RBM47: variants seen among roughly 807,000 people sequenced by gnomAD.
RBM47 encodes the protein RNA-binding protein 47.
Under a neutral mutation model 47.1 loss-of-function variants are expected in RBM47, and 21 were observed. The ratio of observed to expected loss-of-function variants is 0.45; its 90% CI spans 0.32 to 0.64. The LOEUF is 0.64. Ranked by LOEUF, RBM47 falls within the 30% of genes least tolerant of loss-of-function variation. The pLI, the probability that RBM47 is intolerant of heterozygous loss-of-function variation, is 0.05. For synonymous variants in RBM47, 375 were observed against 361.7 expected (o/e 1.04, Z -0.42); for missense variants, 708 against 870.9 (o/e 0.81, Z 2.35).
At chr4:40,600,427 G>A (rs1385677468) in intron 1 of RBM47, among the ~76,000 whole-genome samples, 1 of 151,276 alleles carries the variant, frequency 6.6e-6, no homozygotes, top group South Asian at 2.1e-4. Context: ...GAGGTCAGGA[G>A]ATTGAGACCA....
At chr4:40,588,170 A>G (rs1282587169) in intron 1 of RBM47, among the ~76,000 whole-genome samples, 2 of 152,202 alleles carry the variant, frequency 1.3e-5, no homozygotes, top group Non-Finnish European at 2.9e-5. Flanking sequence ...CAGATAAGCA[A>G]CCAATAATTT....
chr4:40,514,027 C>T (rs1047558550), intron 2 of RBM47, among the ~76,000 whole-genome samples: 9 of 151,918 alleles, frequency 5.9e-5, no homozygotes, highest in African/African-American at 2.2e-4. Context: ...CCTAACCTGA[C>T]CTTTAATTTG....
At chr4:40,587,922 C>G (rs993972343) in intron 1 of RBM47, among the ~76,000 whole-genome samples, 1 of 152,198 alleles carries the variant, frequency 6.6e-6, no homozygotes, top group Non-Finnish European at 1.5e-5. Flanking sequence ...ACTAAGCCAG[C>G]CCTGAAATGG....
At chr4:40,507,647 C>T (rs138376796) in intron 2 of RBM47, among the ~76,000 whole-genome samples, 44 of 152,108 alleles carry the variant, frequency 2.9e-4, no homozygotes, top group African/African-American at 1.0e-3. Context: ...ATTAGCCGGG[C>T]GTGGTGGCGT....
chr4:40,525,259 G>C (rs551400298), intron 2 of RBM47, among the ~76,000 whole-genome samples: 1 of 152,236 alleles, frequency 6.6e-6, no homozygotes, highest in African/African-American at 2.4e-5. Context: ...CCAACATGGC[G>C]AAACCCTGTC....
intron 1 of RBM47, among the ~76,000 whole-genome samples, chr4:40,588,032 C>T (rs1289399922): frequency 6.6e-6 from 1 of 151,942 alleles, no homozygotes; most frequent in African/African-American, 2.4e-5. Flanking sequence ...TTTTGCCTGG[C>T]CAGTTCATGG....
intron 1 of RBM47, among the ~76,000 whole-genome samples, chr4:40,549,436 A>G (rs1454699767): frequency 6.6e-6 from 1 of 151,914 alleles, no homozygotes; most frequent in Non-Finnish European, 1.5e-5. Flanking sequence ...GTAAGTAAGG[A>G]TAATAATAGC....
rs544098220 is a variant in RBM47 at position 40,431,437 on chromosome 4, T to C, written c.1542+1214A>G. 5.9e-5 allele frequency among the ~76,000 whole-genome samples: 9 copies of C among 152,192 alleles called. No individual in the cohort carries two copies. In the East Asian group the frequency reaches 9.7e-4, roughly 16 times the overall value. On this transcript the variant is annotated intron_variant, in intron 6 of 6. Coordinates refer to ENST00000295971, the MANE Select transcript of RBM47 (RefSeq NM_001098634.2). The stretch of plus-strand genomic sequence containing the variant: ...ACTTTGGGAGGCCAAGGTGGGCGGA[T>C]CACGAGGTCAGGAGATTGAGACTAT...
intron 1 of RBM47, among the ~76,000 whole-genome samples, chr4:40,624,181 C>T (rs1408742766): frequency 6.6e-6 from 1 of 152,016 alleles, no homozygotes; most frequent in Non-Finnish European, 1.5e-5. Context: ...TTATAATAAC[C>T]CTGTGAGGTA....
chr4:40,597,259 C>CAAA, intron 1 of RBM47, among the ~76,000 whole-genome samples: 1 of 135,742 alleles, frequency 7.4e-6, no homozygotes, highest in Admixed American at 7.5e-5. Context: ...GATTCCATCT[C>CAAA]AAAAAAAAAA....
chr4:40,622,502 A>G (rs1231784394), intron 1 of RBM47, among the ~76,000 whole-genome samples: 1 of 152,216 alleles, frequency 6.6e-6, no homozygotes, highest in African/African-American at 2.4e-5. Context: ...GACTAGAAAT[A>G]AAGTCATTCA....
At chr4:40,451,508 A>G (rs1194438762) in intron 3 of RBM47, among the ~76,000 whole-genome samples, 1 of 152,192 alleles carries the variant, frequency 6.6e-6, no homozygotes, top group African/African-American at 2.4e-5. Context: ...ACTGCTGACA[A>G]TCTGGTTTTT....
intron 3 of RBM47, among the ~76,000 whole-genome samples, chr4:40,445,888 T>C (rs1360044072): frequency 1.3e-5 from 2 of 152,340 alleles, no homozygotes; most frequent in African/African-American, 4.8e-5. Flanking sequence ...TAGAAACTTA[T>C]CTGTGAGCAA....
intron 3 of RBM47, among the ~76,000 whole-genome samples, chr4:40,451,947 A>T (rs1249304048): frequency 6.6e-6 from 1 of 151,890 alleles, no homozygotes; most frequent in Non-Finnish European, 1.5e-5. Context: ...AGGCGGGCAG[A>T]TTGCCTGAGG....
At chr4:40,477,868 CA>C (rs1719834382) in intron 2 of RBM47, among the ~76,000 whole-genome samples, 4 of 151,916 alleles carry the variant, frequency 2.6e-5, no homozygotes, top group African/African-American at 7.3e-5. Context: ...TTAACAAACT[CA>C]AAAAATATAG....
intron 2 of RBM47, among the ~76,000 whole-genome samples, chr4:40,494,555 C>A (rs1187117196): frequency 6.6e-6 from 1 of 152,162 alleles, no homozygotes; most frequent in Non-Finnish European, 1.5e-5. Flanking sequence ...TTGGGGGCAA[C>A]TGAGTCTGTG....
rs112815849 is a variant in RBM47, at chr4:40,501,506, T to C, written c.-154-34807A>G. Among the ~76,000 whole-genome samples the C allele has an allele frequency of 9.0e-3, 1,365 of 152,334 alleles. 28 individuals are homozygous for C. Among genetic ancestry groups the C allele is most frequent in the African/African-American group, 0.031 (1,276 of 41,574 alleles). On this transcript the variant is annotated intron_variant, in intron 2 of 6. Coordinates refer to ENST00000295971, the MANE Select transcript of RBM47 (RefSeq NM_001098634.2). ...GGAAACACTCTGCGTCTGCACCGTC[T>C]AATACAAAAGCCACTGATACGCATG...
intron 3 of RBM47, among the ~76,000 whole-genome samples, chr4:40,460,964 T>A (rs889151450): frequency 1.3e-5 from 2 of 151,192 alleles, no homozygotes; most frequent in African/African-American, 4.9e-5. Context: ...CCAGTCTCTA[T>A]AATTAAACTA....
At chr4:40,512,440 G>T (rs1725062286) in intron 2 of RBM47, among the ~76,000 whole-genome samples, 1 of 138,182 alleles carries the variant, frequency 7.2e-6, no homozygotes, top group Admixed American at 7.7e-5. Flanking sequence ...AAAAGGCCGG[G>T]TGCGGTGGCT....
Sources: allele counts gnomAD v4.1 joint callset (sites outside exome capture counted in the v4.1 genomes callset), GRCh38; gene constraint gnomAD v4.1.1; transcripts MANE v1.5; gene names NCBI Gene and HGNC (gene_info 2026-07-23, HGNC 2026-07-21).